PTGER3: variants seen among roughly 807,000 people sequenced by gnomAD.
PTGER3 encodes the protein prostaglandin E2 receptor EP3 subtype.
In PTGER3, 22 loss-of-function variants were observed where a neutral mutation model predicts 34.7. The observed-to-expected ratio is 0.63, with a 90% CI of 0.45 to 0.91. The LOEUF (loss-of-function observed/expected upper bound fraction) is 0.91. Ranked by LOEUF, PTGER3 falls within the 40% of genes least tolerant of loss-of-function variation. The probability of loss-of-function intolerance (pLI) is 0.00; values close to 1 mark genes in which losing one functional copy is unlikely to be tolerated. For synonymous variants in PTGER3, 241 were observed against 230.1 expected (o/e 1.05, Z -0.43); for missense variants, 468 against 519.4 (o/e 0.90, Z 0.96).
chr1:71,008,921 G>T, intron 2 of PTGER3: 2 of 979,636 alleles, frequency 2.0e-6, no homozygotes, highest in Non-Finnish European at 2.4e-6. Context: ...CCTGTGTATT[G>T]CAGGAGAAGC....
At chr1:71,009,949 A>T in intron 2 of PTGER3, 1 of 985,206 alleles carries the variant, frequency 1.0e-6, no homozygotes, top group Non-Finnish European at 1.2e-6. Flanking sequence ...TTCATTTCTT[A>T]TCAGGTTTCC....
chr1:70,945,163 T>C (rs962387445), intron 4 of PTGER3, among the ~76,000 whole-genome samples: 5 of 152,176 alleles, frequency 3.3e-5, no homozygotes, highest in Non-Finnish European at 7.4e-5. Context: ...TTGCATCACT[T>C]CATGATATAA....
intron 4 of PTGER3, among the ~76,000 whole-genome samples, chr1:70,900,074 G>A (rs1352785824): frequency 1.3e-5 from 2 of 152,102 alleles, no homozygotes; most frequent in Non-Finnish European, 2.9e-5. Context: ...AAAACCTAAA[G>A]CTACCAATTT....
chr1:70,967,649 A>G (rs2100658805), downstream of PTGER3, among the ~76,000 whole-genome samples: 1 of 152,270 alleles, frequency 6.6e-6, no homozygotes, highest in African/African-American at 2.4e-5. Context: ...TGATAAGCGT[A>G]TATTTTATAC....
chr1:71,001,875 G>A (rs1656526135), intron 2 of PTGER3, among the ~76,000 whole-genome samples: 1 of 152,170 alleles, frequency 6.6e-6, no homozygotes, highest in South Asian at 2.1e-4. Context: ...GTAAACATGA[G>A]ATGAGAACAA....
chr1:70,855,182 G>C (rs985495251), intron 4 of PTGER3, among the ~76,000 whole-genome samples: 3 of 152,118 alleles, frequency 2.0e-5, no homozygotes, highest in Non-Finnish European at 4.4e-5. Flanking sequence ...TAACATTGAT[G>C]AACCCTGAAG....
chr1:70,942,321 T>C (rs1649835457), intron 4 of PTGER3, among the ~76,000 whole-genome samples: 1 of 152,180 alleles, frequency 6.6e-6, no homozygotes, highest in African/African-American at 2.4e-5. Context: ...GAAGGAGAAA[T>C]AAACTTGTGT....
Position 70,852,461 on chromosome 1 carries a change from T to C in PTGER3, c.*422A>G, listed in dbSNP as rs577608629. 2.3e-4 allele frequency: 47 copies of C among 200,252 alleles called. No individual in the cohort carries two copies. In the South Asian group the frequency reaches 5.8e-3, roughly 25 times the overall value. The allele number at this position is 200,252 out of a possible 1,614,324, so 12.4% of individuals were successfully genotyped here. ...GAGATTGTACAAACAAATTATGCTT[T>C]ATTCAAATTATGGAATACTCTATAG... is the stretch of plus-strand genomic sequence containing the variant. On this transcript the variant is annotated 3_prime_UTR_variant, in exon 5 of 5. Transcript: ENST00000370931.
At chr1:70,990,378 CACACACACATAT>C (rs903641577) in intron 2 of PTGER3, among the ~76,000 whole-genome samples, 11 of 108,444 alleles carry the variant, frequency 1.0e-4, no homozygotes, top group Admixed American at 8.7e-4. Context: ...CACACACACA[CACACACACATAT>C]ATATATATAT....
At chr1:71,002,436 T>A (rs1656578684) in intron 2 of PTGER3, among the ~76,000 whole-genome samples, 1 of 152,198 alleles carries the variant, frequency 6.6e-6, no homozygotes, top group Admixed American at 6.5e-5. Context: ...ATGTAGAACA[T>A]TTTCTCTTTC....
At chr1:70,923,872 T>A (rs113549902) in intron 4 of PTGER3, among the ~76,000 whole-genome samples, 1,540 of 152,338 alleles carry the variant, frequency 0.01, 36 homozygotes, top group African/African-American at 0.036. Context: ...AGAATCTGTT[T>A]TCTTTTGCAA....
At chr1:71,004,218 T>C (rs1427988629) in intron 2 of PTGER3, among the ~76,000 whole-genome samples, 1 of 152,218 alleles carries the variant, frequency 6.6e-6, no homozygotes, top group Non-Finnish European at 1.5e-5. Context: ...CAGAAACTTA[T>C]GGTTAACAGA....
At chr1:70,869,014 G>A (rs1646104413) in intron 4 of PTGER3, among the ~76,000 whole-genome samples, 1 of 152,144 alleles carries the variant, frequency 6.6e-6, no homozygotes, top group African/African-American at 2.4e-5. Context: ...TTTAAAGCCT[G>A]CCGAACCATG....
chr1:70,898,817 T>A (rs1004532352), intron 4 of PTGER3, among the ~76,000 whole-genome samples: 10 of 152,178 alleles, frequency 6.6e-5, no homozygotes, highest in African/African-American at 2.4e-4. Context: ...AGTGATATAA[T>A]CTCATGTTCC....
intron 1 of PTGER3, among the ~76,000 whole-genome samples, chr1:71,013,727 A>T (rs1657651256): frequency 6.6e-6 from 1 of 152,068 alleles, no homozygotes; most frequent in East Asian, 1.9e-4. Context: ...AAGAAAACAA[A>T]TTGGAACTAT....
chr1:71,036,533 A>T lies in PTGER3; in HGVS notation c.897+10148T>A, dbSNP rs555695305. On this transcript the variant is annotated intron_variant, in intron 1 of 3. Coordinates refer to ENST00000306666, the MANE Select transcript of PTGER3 (RefSeq NM_198719.2). ...CCCTATCTCAAAATAAAATAAATTA[A>T]TTAAAAATAAAAAATAAAAGAAAGG... 1.4e-3 allele frequency among the ~76,000 whole-genome samples: 210 copies of T among 151,716 alleles called. 1 individual carries two copies. The highest frequency in any genetic ancestry group is 2.5e-3 in the Non-Finnish European group (170 of 67,962).
chr1:70,938,885 C>T (rs776000766), intron 4 of PTGER3, among the ~76,000 whole-genome samples: 8 of 152,080 alleles, frequency 5.3e-5, no homozygotes, highest in East Asian at 1.9e-4. Context: ...GAAAATTCCA[C>T]GCCGGCCCCT....
chr1:70,905,860 G>C (rs1313968680), intron 4 of PTGER3, among the ~76,000 whole-genome samples: 4 of 152,036 alleles, frequency 2.6e-5, no homozygotes, highest in African/African-American at 7.3e-5. Context: ...ATTTGGGAGG[G>C]GCCAGGAGTG....
intron 4 of PTGER3, among the ~76,000 whole-genome samples, chr1:70,940,547 G>A (rs1181651033): frequency 6.6e-6 from 1 of 152,174 alleles, no homozygotes; most frequent in African/African-American, 2.4e-5. Flanking sequence ...ACATGGCTGG[G>A]GAGGCCTTGG....
Sources: allele counts gnomAD v4.1 joint callset (sites outside exome capture counted in the v4.1 genomes callset), GRCh38; gene constraint gnomAD v4.1.1; transcripts MANE v1.5; gene names NCBI Gene and HGNC (gene_info 2026-07-23, HGNC 2026-07-21).